USH2A: variants seen among roughly 807,000 people sequenced by gnomAD.
USH2A encodes usherin.
Under a neutral mutation model 538.9 loss-of-function variants are expected in USH2A, and 443 were observed. The ratio of observed to expected loss-of-function variants is 0.82; its 90% CI spans 0.76 to 0.89. The LOEUF (loss-of-function observed/expected upper bound fraction) is 0.89, where lower values mean the gene tolerates loss of function less well. Ranked by LOEUF, USH2A falls within the 40% of genes least tolerant of loss-of-function variation. The pLI is 0.00. For synonymous variants in USH2A, 2,413 were observed against 2,273.5 expected (o/e 1.06, Z -1.75); for missense variants, 6,633 against 6,324.8 (o/e 1.05, Z -1.65).
At chr1:215,697,681 C>T (rs1658864828) in intron 61 of USH2A, among the ~76,000 whole-genome samples, 1 of 151,998 alleles carries the variant, frequency 6.6e-6, no homozygotes, top group Admixed American at 6.6e-5. Context: ...GCCATTACAC[C>T]CAGCTAATTT....
intron 14 of USH2A, among the ~76,000 whole-genome samples, chr1:216,227,890 A>T (rs2035592294): frequency 6.6e-6 from 1 of 152,182 alleles, no homozygotes; most frequent in Admixed American, 6.5e-5. Flanking sequence ...ACGTCCTCAC[A>T]GATCAGGGCA....
At chr1:215,767,744 A>G (rs1661172992) in intron 55 of USH2A, among the ~76,000 whole-genome samples, 2 of 152,216 alleles carry the variant, frequency 1.3e-5, no homozygotes, top group South Asian at 2.1e-4. Context: ...TCATTATAGC[A>G]TCTAGCAGAC....
Position 216,289,896 on chromosome 1 carries a change from A to T in USH2A, c.1841-486T>A, listed in dbSNP as rs562859085. ...AATTTATTATTCTGTAGTTAACACA[A>T]TTAAAAACAAATGATTATGTTAGTG... On this transcript the variant is annotated intron_variant, in intron 10 of 71. Coordinates refer to ENST00000307340, the MANE Select transcript of USH2A (RefSeq NM_206933.4). Among the ~76,000 whole-genome samples, 4 of 152,276 alleles carry T rather than the reference A, an allele frequency of 2.6e-5. No homozygotes were observed. The South Asian group carries it at 6.2e-4, about 24-fold the overall frequency.
At position 216,000,541 on chromosome 1, in the gene USH2A, T is replaced by C. The variant is rs111033450; in HGVS notation, c.6347A>G (p.His2116Arg). The C allele has an allele frequency of 3.4e-4, 546 of 1,613,474 alleles. No individual in the cohort carries two copies. The highest frequency in any genetic ancestry group is 1.5e-3 in the African/African-American group (109 of 74,996). The change falls in exon 33 of 72, where the codon CAC (histidine) becomes CGC (arginine). Residue 2116 changes from histidine (H) to arginine (R), a missense_variant. Physicochemically the swap from His to Arg is conservative, Grantham distance 29. Transcript: ENST00000307340. ...IVTDLAVFTP[H>R]QFLLSACTHV... Reference sequence around the variant, plus strand: ...TGTGCATGCACTTAGTAGAAACTGGTGGGGTGTAAATACTGCTAAATCTAG... The same window carrying C: ...TGTGCATGCACTTAGTAGAAACTGGCGGGGTGTAAATACTGCTAAATCTAG...
chr1:215,796,565 T>C (rs57274121), intron 50 of USH2A, among the ~76,000 whole-genome samples: 6,921 of 152,156 alleles, frequency 0.045, 274 homozygotes, highest in South Asian at 0.13. Flanking sequence ...GTTCTGACTG[T>C]TTCACAGACC....
intron 20 of USH2A, among the ~76,000 whole-genome samples, chr1:216,177,349 A>G (rs555015806): frequency 1.3e-5 from 2 of 152,256 alleles, no homozygotes; most frequent in Admixed American, 6.5e-5. Flanking sequence ...TGCCATCTGT[A>G]TATCTTCTTT....
intron 21 of USH2A, among the ~76,000 whole-genome samples, chr1:216,133,282 G>A (rs1240210522): frequency 6.6e-6 from 1 of 151,956 alleles, no homozygotes; most frequent in Non-Finnish European, 1.5e-5. Context: ...CTGTTCCAGG[G>A]AACACCAGTT....
At chr1:216,139,074 T>A (rs768949922) in intron 21 of USH2A, among the ~76,000 whole-genome samples, 7 of 152,128 alleles carry the variant, frequency 4.6e-5, no homozygotes, top group Non-Finnish European at 8.8e-5. Context: ...CCCCATCTTA[T>A]TACTTATTTA....
intron 21 of USH2A, among the ~76,000 whole-genome samples, chr1:216,154,546 T>C (rs2033901219): frequency 6.6e-6 from 1 of 152,210 alleles, no homozygotes; most frequent in Non-Finnish European, 1.5e-5. Flanking sequence ...AAAATTTACA[T>C]ATATACTGAA....
At chr1:216,014,013 G>T (rs1668642099) in intron 32 of USH2A, among the ~76,000 whole-genome samples, 1 of 152,062 alleles carries the variant, frequency 6.6e-6, no homozygotes, top group Admixed American at 6.5e-5. Flanking sequence ...ATCCCAAAGT[G>T]GATTATTCTC....
At chr1:216,383,986 G>A (rs566000026) in intron 3 of USH2A, among the ~76,000 whole-genome samples, 7 of 151,090 alleles carry the variant, frequency 4.6e-5, no homozygotes, top group Non-Finnish European at 8.9e-5. Flanking sequence ...TCGGCATGGG[G>A]CACCACACCC....
At chr1:216,220,862 C>T (rs1260798558) in intron 14 of USH2A, among the ~76,000 whole-genome samples, 1 of 152,034 alleles carries the variant, frequency 6.6e-6, no homozygotes, top group African/African-American at 2.4e-5. Flanking sequence ...TTCTAACTTG[C>T]TAATGGGGAT....
At chr1:216,198,183 A>C in intron 18 of USH2A, 132 bp downstream of exon 18, 1 of 1,348,218 alleles carries the variant, frequency 7.4e-7, no homozygotes, top group African/African-American at 1.5e-5. Flanking sequence ...TATATATGAA[A>C]ATTTTCCTTG....
rs549796389 is a variant in USH2A at position 215,888,472 on chromosome 1, C to T, written c.8177G>A (p.Gly2726Glu). Residue 2726 changes from glycine (G) to glutamate (E), a missense_variant, in exon 41 of 72, where the codon GGG becomes GAG. Gly to Glu is a moderately conservative substitution (Grantham distance 98, BLOSUM62 -2). Transcript: ENST00000307340. The stretch of plus-strand genomic sequence containing the variant: ...CACTGTCACCACAGGTGGCTGCACC[C>T]CAGCAGGTCGTGAGGGTCTTGTGGT... ...EVTTRPSRPA[G>E]VQPPVVTVLE... The T allele has an allele frequency of 2.6e-5, 42 of 1,613,748 alleles. No individual in the cohort carries two copies. The highest frequency in any genetic ancestry group is 3.5e-5 in the Non-Finnish European group (41 of 1,180,018).
intron 32 of USH2A, among the ~76,000 whole-genome samples, chr1:216,031,356 T>C (rs559958550): frequency 2.3e-4 from 35 of 152,246 alleles, no homozygotes; most frequent in Non-Finnish European, 4.4e-4. Context: ...CTTTAGCAGA[T>C]TGTGTCATCA....
chr1:215,769,376 A>C (rs1661217866), intron 55 of USH2A, among the ~76,000 whole-genome samples: 1 of 152,190 alleles, frequency 6.6e-6, no homozygotes, highest in Non-Finnish European at 1.5e-5. Flanking sequence ...GAGGTTTGCT[A>C]AGGTTGATTA....
At chr1:215,642,540 G>A (rs749022603) in intron 67 of USH2A, among the ~76,000 whole-genome samples, 2 of 151,820 alleles carry the variant, frequency 1.3e-5, no homozygotes, top group Admixed American at 6.6e-5. Flanking sequence ...TGTTAAATCC[G>A]GCCACTACTA....
intron 21 of USH2A, among the ~76,000 whole-genome samples, chr1:216,138,151 T>A (rs1315513578): frequency 2.0e-5 from 3 of 152,144 alleles, no homozygotes; most frequent in Non-Finnish European, 4.4e-5. Context: ...CTCATGTTGC[T>A]ACAGATTATA....
rs1307634066 is a variant in USH2A at position 216,050,603 on chromosome 1, TC to T, written c.6050-1957del. On this transcript the variant is annotated intron_variant, in intron 30 of 71. Coordinates refer to ENST00000307340, the MANE Select transcript of USH2A (RefSeq NM_206933.4). Reference sequence around the variant, plus strand: ...TTCTTTCTTTCTTTCTTTCTTTCTTTCTTTTTTTTTTTTTTTTTTGAGACAG... The same window carrying T: ...TTCTTTCTTTCTTTCTTTCTTTCTTTTTTTTTTTTTTTTTTTTTGAGACAG... 3.2e-3 allele frequency among the ~76,000 whole-genome samples: 181 copies of T among 56,748 alleles called. 1 individual carries two copies. The highest frequency in any genetic ancestry group is 9.8e-3 in the Middle Eastern group (1 of 102). The allele number at this position is 56,748 out of a possible 152,430, so 37.2% of individuals were successfully genotyped here. A position where few individuals can be genotyped will look rare whatever the true frequency, so the allele number is the denominator to read the frequency against.
Sources: allele counts gnomAD v4.1 joint callset (sites outside exome capture counted in the v4.1 genomes callset), GRCh38; gene constraint gnomAD v4.1.1; transcripts MANE v1.5; gene names NCBI Gene and HGNC (gene_info 2026-07-23, HGNC 2026-07-21).